TBC1D13: variants seen among roughly 807,000 people sequenced by gnomAD.
The protein encoded by TBC1D13 is epididymis secretory sperm binding protein.
In TBC1D13, 40 loss-of-function variants were observed where a neutral mutation model predicts 53.6. The observed-to-expected ratio is 0.75, with a 90% CI of 0.58 to 0.97. The LOEUF is 0.97. Among genes scored for constraint, TBC1D13 ranks in the 50% least tolerant of loss-of-function variants. The probability of loss-of-function intolerance (pLI) is 0.00; values close to 1 mark genes in which losing one functional copy is unlikely to be tolerated. For synonymous variants in TBC1D13, 182 were observed against 197.7 expected, an observed-to-expected ratio of 0.92 and a Z score of 0.67; for missense variants, 377 against 499.4, an observed-to-expected ratio of 0.75 and a Z score of 2.34.
intron 3 of TBC1D13, among the ~76,000 whole-genome samples, chr9:128,791,177 G>T (rs1475638269): frequency 6.6e-6 from 1 of 152,190 alleles, no homozygotes; most frequent in Non-Finnish European, 1.5e-5. Context: ...AGAGGGAAGG[G>T]CTGGTTTGGG....
In TBC1D13 at chr9:128,788,367, C is replaced by T. The variant is rs746599141; in HGVS notation, c.57C>T (p.Pro19=). The T allele has an allele frequency of 1.2e-6, 2 of 1,614,168 alleles. No individual in the cohort carries two copies. Among genetic ancestry groups the T allele is most frequent in the South Asian group, 2.2e-5 (2 of 91,078 alleles). ...IADFQDVLKE[P]SIALEKLREL... is the part of the protein sequence containing the mutation. Reference sequence around the variant, plus strand: ...ATTTCCAGGATGTCCTGAAGGAGCCCTCAATTGCATTGGAAAAGCTGCGGG... The same window carrying T: ...ATTTCCAGGATGTCCTGAAGGAGCCTTCAATTGCATTGGAAAAGCTGCGGG... Residue 19 remains proline (P), a synonymous_variant, in exon 2 of 12, where the codon CCC becomes CCT. Coordinates refer to ENST00000372648, the MANE Select transcript of TBC1D13 (RefSeq NM_018201.5).
chr9:128,805,774 A>C, intron 9 of TBC1D13, 85 bp from the exon 10 acceptor site: 1 of 1,444,060 alleles, frequency 6.9e-7, no homozygotes, highest in African/African-American at 1.4e-5. Flanking sequence ...GCTGTTCTGA[A>C]TTCACTTCTG....
At position 128,803,438 on chromosome 9, in the gene TBC1D13, C is replaced by T. The variant is rs374234990; in HGVS notation, c.732C>T (p.Thr244=). Reference sequence around the variant, plus strand: ...GGCCCCTCTACTACACCTTTGCCACCGACCCCAATAGTGAGTGGAAAGGTA... The same window carrying T: ...GGCCCCTCTACTACACCTTTGCCACTGACCCCAATAGTGAGTGGAAAGGTA... ...IVGPLYYTFA[T]DPNSEWKEHA... is the part of the protein sequence containing the mutation. Residue 244 remains threonine (T), a synonymous_variant, in exon 8 of 12, where the codon ACC becomes ACT. Coordinates refer to ENST00000372648, the MANE Select transcript of TBC1D13 (RefSeq NM_018201.5). 41 of 1,614,020 alleles carry T rather than the reference C, an allele frequency of 2.5e-5. No individual in the cohort carries two copies. Among genetic ancestry groups the T allele is most frequent in the Middle Eastern group, 1.6e-4 (1 of 6,072 alleles).
intron 6 of TBC1D13, among the ~76,000 whole-genome samples, chr9:128,794,466 T>TTTTTG (rs1564423679): frequency 3.9e-5 from 6 of 152,256 alleles, no homozygotes; most frequent in South Asian, 2.1e-4. Context: ...TTTCTGTTTT[T>TTTTTG]TTTTTGTTTT....
chr9:128,802,857 C>T (rs1284973723), intron 7 of TBC1D13, among the ~76,000 whole-genome samples: 3 of 151,610 alleles, frequency 2.0e-5, no homozygotes, highest in Non-Finnish European at 2.9e-5. Context: ...GCCCCAGCCT[C>T]GCAAGTCGCT....
intron 11 of TBC1D13, 93 bp downstream of exon 11, chr9:128,806,404 G>C (rs1463374986): frequency 1.4e-6 from 2 of 1,453,176 alleles, no homozygotes; most frequent in Non-Finnish European, 1.9e-6. Flanking sequence ...GGCTGGGCAG[G>C]GGCAGCGGAG....
chr9:128,787,473 G>C (rs1254490734), intron 1 of TBC1D13, 97 bp downstream of exon 1: 1 of 1,187,916 alleles, frequency 8.4e-7, no homozygotes, highest in African/African-American at 1.6e-5. Context: ...GCCAGGAATC[G>C]GCAGACCCCC....
At chr9:128,804,291 G>A (rs917758619) in intron 9 of TBC1D13, among the ~76,000 whole-genome samples, 172 bp downstream of exon 9, 1 of 152,200 alleles carries the variant, frequency 6.6e-6, no homozygotes, top group African/African-American at 2.4e-5. Flanking sequence ...AGCCCAGCTG[G>A]GAGGGAAGGG....
At chr9:128,805,519 A>G (rs1004886444) in intron 9 of TBC1D13, among the ~76,000 whole-genome samples, 2 of 152,250 alleles carry the variant, frequency 1.3e-5, no homozygotes, top group Non-Finnish European at 2.9e-5. Context: ...GTGCCCTGTG[A>G]TGGTCACTCA....
intron 7 of TBC1D13, among the ~76,000 whole-genome samples, chr9:128,797,926 G>A (rs1177205341): frequency 2.0e-5 from 3 of 152,200 alleles, no homozygotes; most frequent in Non-Finnish European, 2.9e-5. Flanking sequence ...TGACTAACCC[G>A]GGGATTTAAC....
At chr9:128,804,161 CAG>C in intron 9 of TBC1D13, 42 bp downstream of exon 9, 1 of 1,602,006 alleles carries the variant, frequency 6.2e-7, no homozygotes, top group Non-Finnish European at 8.5e-7. Context: ...GGACAGGAGG[CAG>C]AGAGTTGCTG....
At chr9:128,788,312 G>A (rs1474424399) in intron 1 of TBC1D13, 22 bp from the exon 2 acceptor site, 2 of 1,612,314 alleles carry the variant, frequency 1.2e-6, no homozygotes, top group Non-Finnish European at 1.7e-6. Flanking sequence ...TGCTTCATTT[G>A]CCGCCCTATC....
chr9:128,794,799 A>G (rs1288278534), intron 6 of TBC1D13, among the ~76,000 whole-genome samples: 1 of 151,502 alleles, frequency 6.6e-6, no homozygotes, highest in African/African-American at 2.4e-5. Context: ...ATGGGTAGTG[A>G]TCCTTTGGTG....
Position 128,804,026 on chromosome 9 carries a change from G to A in TBC1D13, c.825G>A (p.Lys275=). ...CCGAGATCCGGGACAACTTTATCAA[G>A]AGCCTGGATGACTCGCAGTGTGGCA... is the stretch of plus-strand genomic sequence containing the variant. ...LMAEIRDNFI[K]SLDDSQCGIT... The change falls in exon 9 of 12, where the codon AAG becomes AAA. Residue 275 remains lysine (K), a synonymous_variant. Transcript: ENST00000372648. 1 of 1,614,090 alleles carries A rather than the reference G, an allele frequency of 6.2e-7. No homozygotes were observed. Among genetic ancestry groups the A allele is most frequent in the Non-Finnish European group, 8.5e-7 (1 of 1,180,032 alleles).
intron 6 of TBC1D13, among the ~76,000 whole-genome samples, chr9:128,794,586 C>G (rs2132536806): frequency 6.6e-6 from 1 of 151,702 alleles, no homozygotes; most frequent in East Asian, 1.9e-4. Flanking sequence ...AGCGATTCTC[C>G]TGCCTCAGCC....
At position 128,797,130 on chromosome 9, in the gene TBC1D13, T is replaced by C. The variant is rs1341086875; in HGVS notation, c.459T>C (p.Asn153=). 1 of 1,614,092 alleles carries C rather than the reference T, an allele frequency of 6.2e-7. No homozygotes were observed. Among genetic ancestry groups the C allele is most frequent in the South Asian group, 1.1e-5 (1 of 91,078 alleles). The change falls in exon 7 of 12, where the codon AAT becomes AAC. Residue 153 remains asparagine (N), a synonymous_variant. Coordinates refer to ENST00000372648, the MANE Select transcript of TBC1D13 (RefSeq NM_018201.5). The part of the protein sequence containing the change: ...YPCLLILDPQ[N]EFETLRKRVE... ...GCCTCCTCATCCTGGACCCCCAGAATGAGTTTGAAACCCTTCGTAAGAGAG... is the reference window on the plus strand; with the variant it reads ...GCCTCCTCATCCTGGACCCCCAGAACGAGTTTGAAACCCTTCGTAAGAGAG...
chr9:128,790,830 G>T (rs544599569), intron 3 of TBC1D13, 55 bp downstream of exon 3: 2 of 1,530,668 alleles, frequency 1.3e-6, no homozygotes, highest in East Asian at 2.5e-5. Flanking sequence ...GGGTTTTCCT[G>T]CATGGGCTGC....
In TBC1D13 at chr9:128,809,654, G is replaced by A. The variant is rs182310462; in HGVS notation, c.*1775G>A. 8.5e-5 allele frequency: 13 copies of A among 152,380 alleles called. No homozygotes were observed. The highest frequency in any genetic ancestry group is 3.1e-4 in the African/African-American group (13 of 41,582). The allele number at this position is 152,380 out of a possible 1,614,324, so 9.4% of individuals were successfully genotyped here. On this transcript the variant is annotated 3_prime_UTR_variant, in exon 12 of 12. Transcript: ENST00000372648. Reference sequence around the variant, plus strand: ...CTCTGGGGATGAGGCATGGGTATAGGAAGGGAGAAAGGAGTTGGAGACAAG... The same window carrying A: ...CTCTGGGGATGAGGCATGGGTATAGAAAGGGAGAAAGGAGTTGGAGACAAG...
At chr9:128,787,483 C>G (rs1829442135) in intron 1 of TBC1D13, 107 bp downstream of exon 1, 1 of 1,146,936 alleles carries the variant, frequency 8.7e-7, no homozygotes, top group African/African-American at 1.6e-5. Context: ...GGCAGACCCC[C>G]TCGGCAGAGG....
Sources: gnomAD v4.1 joint callset for allele counts (sites outside exome capture counted in the v4.1 genomes callset) on GRCh38, gnomAD v4.1.1 for gene constraint, MANE v1.5 for transcripts, NCBI Gene and HGNC (gene_info 2026-07-23, HGNC 2026-07-21) for gene names.